Variants in TRHDE observed in about 807,000 individuals in gnomAD.
The protein encoded by TRHDE is thyrotropin-releasing hormone-degrading ectoenzyme.
A neutral mutation model predicts 125.7 loss-of-function variants in TRHDE; 72 were observed. The observed-to-expected ratio is 0.57, with a 90% confidence interval of 0.47 to 0.70. The LOEUF is 0.70. Ranked by LOEUF, TRHDE falls within the 30% of genes least tolerant of loss-of-function variation. The probability of loss-of-function intolerance (pLI) is 0.00; values close to 1 mark genes in which losing one functional copy is unlikely to be tolerated. For missense variants in TRHDE, 1,110 were observed against 1,327.1 expected, an observed-to-expected ratio of 0.84 and a Z score of 2.54; for synonymous variants, 509 against 509.1, an observed-to-expected ratio of 1.00 and a Z score of 0.00.
At chr12:72,304,682 C>T (rs1868314291) in intron 2 of TRHDE, among the ~76,000 whole-genome samples, 1 of 152,108 alleles carries the variant, frequency 6.6e-6, no homozygotes, top group Non-Finnish European at 1.5e-5. Flanking sequence ...CAGTGAGTTC[C>T]CCATAGCTAA....
chr12:72,469,248 T>C (rs1161056790), intron 3 of TRHDE, among the ~76,000 whole-genome samples: 1 of 152,212 alleles, frequency 6.6e-6, no homozygotes, highest in African/African-American at 2.4e-5. Context: ...GTAAGATATA[T>C]TTCATGTAAC....
intron 3 of TRHDE, among the ~76,000 whole-genome samples, chr12:72,446,487 G>A (rs560879352): frequency 6.1e-4 from 93 of 152,092 alleles, no homozygotes; most frequent in African/African-American, 2.1e-3. Flanking sequence ...CATAATGACA[G>A]GATCAAATTC....
At position 72,231,660 on chromosome 12, in the gene TRHDE, C is replaced by T. The variant is rs1878249589; in HGVS notation, n.279+125908C>T. On this transcript the variant is annotated intron_variant and non_coding_transcript_variant, in intron 2 of 4. Coordinates refer to the TRHDE transcript ENST00000548156. ...AAAAACTACCCATTTTCTTGGGTCA[C>T]AAGATCTTCTGGAAAGACTATGCTT... 1.3e-5 allele frequency among the ~76,000 whole-genome samples: 2 copies of T among 152,128 alleles called. 1 individual carries two copies. Among genetic ancestry groups the T allele is most frequent in the South Asian group, 4.1e-4 (2 of 4,832 alleles).
chr12:72,625,498 T>C (rs2136082220), intron 15 of TRHDE, among the ~76,000 whole-genome samples: 1 of 151,946 alleles, frequency 6.6e-6, no homozygotes, highest in East Asian at 1.9e-4. Context: ...AAATTCTAAG[T>C]AGAGGCACAT....
At chr12:72,157,687 TAAG>T (rs1051974017) in intron 2 of TRHDE, among the ~76,000 whole-genome samples, 3 of 152,074 alleles carry the variant, frequency 2.0e-5, no homozygotes, top group African/African-American at 7.2e-5. Flanking sequence ...AAGGGGAAAA[TAAG>T]AAGTTCGTTT....
intron 12 of TRHDE, among the ~76,000 whole-genome samples, chr12:72,612,047 C>G (rs1029599173): frequency 2.0e-5 from 3 of 152,222 alleles, no homozygotes; most frequent in African/African-American, 7.2e-5. Flanking sequence ...TATACCCTAA[C>G]CTTTTTCCTC....
intron 2 of TRHDE, among the ~76,000 whole-genome samples, chr12:72,179,443 T>C (rs2139340460): frequency 6.6e-6 from 1 of 152,226 alleles, no homozygotes; most frequent in Admixed American, 6.5e-5. Flanking sequence ...CGCCTCCAGG[T>C]ACCTCATGTT....
intron 2 of TRHDE, among the ~76,000 whole-genome samples, chr12:72,155,401 C>T (rs1487073247): frequency 1.3e-5 from 2 of 152,298 alleles, no homozygotes; most frequent in South Asian, 4.1e-4. Context: ...ACTCATCAGT[C>T]ATTCTCCATC....
At chr12:72,158,071 AT>A (rs1275692518) in intron 2 of TRHDE, among the ~76,000 whole-genome samples, 1 of 152,180 alleles carries the variant, frequency 6.6e-6, no homozygotes, top group Non-Finnish European at 1.5e-5. Flanking sequence ...TGACTGCTGG[AT>A]TTCATATGTA....
At chr12:72,155,693 G>A (rs1876487311) in intron 2 of TRHDE, among the ~76,000 whole-genome samples, 1 of 152,176 alleles carries the variant, frequency 6.6e-6, no homozygotes. Context: ...AGCAGCAGAG[G>A]CTGCAAAACA....
intron 2 of TRHDE, among the ~76,000 whole-genome samples, chr12:72,325,418 G>T (rs1331239908): frequency 6.6e-6 from 1 of 152,072 alleles, no homozygotes; most frequent in Non-Finnish European, 1.5e-5. Context: ...CAAATGAACA[G>T]TTCTGTTTAC....
intron 10 of TRHDE, among the ~76,000 whole-genome samples, chr12:72,569,130 G>A (rs1420259510): frequency 6.6e-6 from 1 of 152,100 alleles, no homozygotes; most frequent in Non-Finnish European, 1.5e-5. Flanking sequence ...GGACAGGTTA[G>A]CAAGCCATCT....
intron 2 of TRHDE, chr12:72,309,902 G>A (rs1291981947): frequency 6.6e-6 from 1 of 152,016 alleles, no homozygotes; most frequent in African/African-American, 2.4e-5. Flanking sequence ...TAGAGGTGAG[G>A]CGAAGAACAT....
At chr12:72,264,674 A>C (rs1879024710) in intron 2 of TRHDE, 1 of 151,904 alleles carries the variant, frequency 6.6e-6, no homozygotes. Context: ...TTTCTTTGTA[A>C]GTCTAGCTTT....
chr12:72,283,504 G>A (rs1411627208), intron 1 of TRHDE, among the ~76,000 whole-genome samples: 1 of 152,132 alleles, frequency 6.6e-6, no homozygotes, highest in Non-Finnish European at 1.5e-5. Context: ...GGCCCTCTGT[G>A]CATAGATATA....
At chr12:72,105,753 G>A (rs1302170976) in intron 2 of TRHDE, 1 of 152,100 alleles carries the variant, frequency 6.6e-6, no homozygotes, top group African/African-American at 2.4e-5. Context: ...GCCACTAAAG[G>A]TAATACATCT....
chr12:72,301,470 G>A (rs1218710837), intron 2 of TRHDE, among the ~76,000 whole-genome samples: 2 of 152,126 alleles, frequency 1.3e-5, no homozygotes, highest in Non-Finnish European at 2.9e-5. Flanking sequence ...AATCAACTGA[G>A]AATTTAGGGA....
intron 3 of TRHDE, among the ~76,000 whole-genome samples, chr12:72,406,334 A>G (rs1474976057): frequency 6.6e-6 from 1 of 152,132 alleles, no homozygotes; most frequent in Non-Finnish European, 1.5e-5. Flanking sequence ...TCCACTGAGA[A>G]TCCCAGTGGA....
rs533736608 is a variant in TRHDE at position 72,659,738 on chromosome 12, A to C, written c.3066+2730A>C. Reference sequence around the variant, plus strand: ...ACAAACAACATTGCCATTTTATTAAATGTTATTTTATAAAAGTGCCTAAAG... The same window carrying C: ...ACAAACAACATTGCCATTTTATTAACTGTTATTTTATAAAAGTGCCTAAAG... On this transcript the variant is annotated intron_variant, in intron 18 of 18. Coordinates refer to ENST00000261180, the MANE Select transcript of TRHDE (RefSeq NM_013381.3). 2.0e-5 allele frequency among the ~76,000 whole-genome samples: 3 copies of C among 152,316 alleles called. No individual in the cohort carries two copies. The East Asian group carries it at 5.8e-4, about 29-fold the overall frequency.
Sources: gnomAD v4.1 joint callset for allele counts (sites outside exome capture counted in the v4.1 genomes callset) on GRCh38, gnomAD v4.1.1 for gene constraint, MANE v1.5 for transcripts, NCBI Gene and HGNC (gene_info 2026-07-23, HGNC 2026-07-21) for gene names.